Variants in MARCHF3 observed in about 807,000 individuals in gnomAD.
MARCHF3 encodes membrane associated ring-CH-type finger 3.
In MARCHF3, 13 loss-of-function variants were observed where a neutral mutation model predicts 24.2. The observed-to-expected ratio is 0.54, with a 90% CI of 0.35 to 0.85. The LOEUF (loss-of-function observed/expected upper bound fraction) is 0.85. Among genes scored for constraint, MARCHF3 ranks in the 40% least tolerant of loss-of-function variants. The probability of loss-of-function intolerance (pLI) is 0.01; values close to 1 mark genes in which losing one functional copy is unlikely to be tolerated. For synonymous variants in MARCHF3, 144 were observed against 137.3 expected (o/e 1.05, Z -0.34); for missense variants, 276 against 325.0 (o/e 0.85, Z 1.16).
chr5:127,014,785 C>T (rs181534866), intron 1 of MARCHF3, among the ~76,000 whole-genome samples: 91 of 152,072 alleles, frequency 6.0e-4, no homozygotes, highest in African/African-American at 2.1e-3. Flanking sequence ...AGCAGAACAG[C>T]GATTGCTAGA....
rs181513637 is a variant in MARCHF3 at position 126,976,779 on chromosome 5, C to T, written c.-57+53571G>A. 3.9e-5 allele frequency among the ~76,000 whole-genome samples: 6 copies of T among 152,350 alleles called. No individual in the cohort carries two copies. The East Asian group carries it at 9.7e-4, about 25-fold the overall frequency. ...TCTCTCCCTCTGGGAATCCTCGCCC[C>T]GATCCTGGCAGCAGGGAGAGCCCCA... On this transcript the variant is annotated intron_variant, in intron 1 of 4. Coordinates refer to ENST00000308660, the MANE Select transcript of MARCHF3 (RefSeq NM_178450.5).
intron 3 of MARCHF3, among the ~76,000 whole-genome samples, chr5:126,894,422 G>A (rs1753800451): frequency 6.6e-6 from 1 of 151,220 alleles, no homozygotes; most frequent in South Asian, 2.1e-4. Flanking sequence ...GCAGCGGCTG[G>A]TACCGGTTGT....
intron 3 of MARCHF3, among the ~76,000 whole-genome samples, chr5:126,906,795 G>A (rs1344503156): frequency 2.0e-5 from 3 of 152,020 alleles, no homozygotes; most frequent in Non-Finnish European, 4.4e-5. Context: ...TTTTTTGAAA[G>A]GTTTTTTGTG....
chr5:126,953,696 G>A (rs1203125577), intron 1 of MARCHF3, among the ~76,000 whole-genome samples: 1 of 152,068 alleles, frequency 6.6e-6, no homozygotes, highest in African/African-American at 2.4e-5. Context: ...TATCTTTTGT[G>A]TTCAAAATTT....
At chr5:127,008,511 A>C (rs1213636732) in intron 1 of MARCHF3, among the ~76,000 whole-genome samples, 1 of 152,200 alleles carries the variant, frequency 6.6e-6, no homozygotes, top group Non-Finnish European at 1.5e-5. Flanking sequence ...CAGCACACAC[A>C]AATTGCATTT....
At chr5:126,896,075 G>C (rs1198317061) in intron 3 of MARCHF3, among the ~76,000 whole-genome samples, 1 of 152,110 alleles carries the variant, frequency 6.6e-6, no homozygotes, top group Non-Finnish European at 1.5e-5. Flanking sequence ...CGATTTTCCA[G>C]GTGCCGTCCG....
In MARCHF3 at chr5:126,918,382, GCACACACA is replaced by G. The variant is rs112284753; in HGVS notation, c.-56-163_-56-156del. On this transcript the variant is annotated intron_variant, in intron 1 of 4. Coordinates refer to ENST00000308660, the MANE Select transcript of MARCHF3 (RefSeq NM_178450.5). ...TATCTTGTTACTGTTTAATACAAGT[GCACACACA>G]CACACACACACAGAGCCCACAAGAA... 8.6e-3 allele frequency among the ~76,000 whole-genome samples: 1,280 copies of G among 149,524 alleles called. 25 individuals carry two copies. Among genetic ancestry groups the G allele is most frequent in the African/African-American group, 0.029 (1,196 of 40,870 alleles).
At chr5:127,018,172 A>C (rs1580494416) in intron 1 of MARCHF3, among the ~76,000 whole-genome samples, 1 of 152,308 alleles carries the variant, frequency 6.6e-6, no homozygotes, top group Non-Finnish European at 1.5e-5. Flanking sequence ...GGAGTATAAG[A>C]CCAGCCTGGC....
chr5:126,898,388 A>G (rs1320222401), intron 3 of MARCHF3, among the ~76,000 whole-genome samples: 2 of 152,124 alleles, frequency 1.3e-5, no homozygotes, highest in East Asian at 1.9e-4. Flanking sequence ...GTGATTTTTC[A>G]GATACATATA....
At chr5:126,940,850 A>G (rs1243988387) in intron 1 of MARCHF3, among the ~76,000 whole-genome samples, 1 of 152,086 alleles carries the variant, frequency 6.6e-6, no homozygotes, top group Non-Finnish European at 1.5e-5. Flanking sequence ...TGTGGAGTAT[A>G]TGAGATGTTT....
chr5:126,948,160 G>C (rs1379705130), intron 1 of MARCHF3, among the ~76,000 whole-genome samples: 1 of 152,096 alleles, frequency 6.6e-6, no homozygotes, highest in Non-Finnish European at 1.5e-5. Flanking sequence ...GCCAGCCTCT[G>C]TTGAGTATCT....
intron 1 of MARCHF3, among the ~76,000 whole-genome samples, chr5:126,948,678 G>A (rs981016207): frequency 2.0e-5 from 3 of 152,274 alleles, no homozygotes; most frequent in South Asian, 2.1e-4. Context: ...TCACATCTGC[G>A]TCACCTGTGA....
chr5:126,887,527 T>G (rs900244267), intron 3 of MARCHF3, among the ~76,000 whole-genome samples: 1 of 152,254 alleles, frequency 6.6e-6, no homozygotes, highest in African/African-American at 2.4e-5. Context: ...ATACCTGTAT[T>G]TTAGTGTAAA....
intron 1 of MARCHF3, among the ~76,000 whole-genome samples, chr5:126,963,841 A>C (rs965624652): frequency 6.6e-5 from 10 of 152,206 alleles, no homozygotes; most frequent in African/African-American, 2.4e-4. Flanking sequence ...CTATTCACAT[A>C]ATTCACTGAA....
intron 1 of MARCHF3, among the ~76,000 whole-genome samples, chr5:126,949,657 CCTTA>C (rs1750149935): frequency 6.6e-6 from 1 of 152,124 alleles, no homozygotes; most frequent in South Asian, 2.1e-4. Context: ...ACTGGTTTCC[CCTTA>C]CTTCCTTCCT....
At chr5:126,962,493 T>C (rs1750670269) in intron 1 of MARCHF3, among the ~76,000 whole-genome samples, 1 of 151,822 alleles carries the variant, frequency 6.6e-6, no homozygotes, top group Non-Finnish European at 1.5e-5. Flanking sequence ...AAATACAAAA[T>C]ACAAAATGTT....
In MARCHF3 at chr5:126,918,144, G is replaced by C. The variant is rs772839929; in HGVS notation, c.28C>G (p.Pro10Ala). ...CTGGTGCAGTCTGGCAGGACTTCGG[G>C]CAGGTGACTGCAGCGGCTGGTTGTC... MTTSRCSHL[P>A]EVLPDCTSSA... is the part of the protein sequence containing the mutation. Residue 10 changes from proline (P) to alanine (A), a missense_variant, in exon 2 of 5, where the codon CCC (proline) becomes GCC (alanine). Coordinates refer to ENST00000308660, the MANE Select transcript of MARCHF3 (RefSeq NM_178450.5). 6.2e-7 allele frequency: 1 copy of C among 1,613,814 alleles called. No individual in the cohort carries two copies. Among genetic ancestry groups the C allele is most frequent in the Non-Finnish European group, 8.5e-7 (1 of 1,179,970 alleles).
chr5:126,974,039 A>AG (rs1013979818), intron 1 of MARCHF3, among the ~76,000 whole-genome samples: 3 of 151,542 alleles, frequency 2.0e-5, no homozygotes, highest in African/African-American at 7.3e-5. Flanking sequence ...CTGGGACTAC[A>AG]GGCGCCCGCC....
chr5:126,937,951 T>G (rs1360278643), intron 1 of MARCHF3, among the ~76,000 whole-genome samples: 1 of 152,194 alleles, frequency 6.6e-6, no homozygotes, highest in Non-Finnish European at 1.5e-5. Context: ...ATCTGCTCTT[T>G]TGATAAGACT....
Sources: gnomAD v4.1 joint callset for allele counts (sites outside exome capture counted in the v4.1 genomes callset) on GRCh38, gnomAD v4.1.1 for gene constraint, MANE v1.5 for transcripts, NCBI Gene and HGNC (gene_info 2026-07-23, HGNC 2026-07-21) for gene names.